Variants in CYP20A1 observed in about 807,000 individuals in gnomAD.
CYP20A1 encodes the protein cytochrome P450 20A1.
A neutral mutation model predicts 61.4 loss-of-function variants in CYP20A1; 61 were observed. That is an observed-to-expected ratio of 0.99 (90% CI 0.81 to 1.23). The LOEUF (loss-of-function observed/expected upper bound fraction) is 1.23, where lower values mean the gene tolerates loss of function less well. Ranked by LOEUF, CYP20A1 falls within the 50% of genes most tolerant of loss-of-function variation. The pLI is 0.00. For synonymous variants in CYP20A1, 193 were observed against 188.2 expected (o/e 1.03, Z -0.21); for missense variants, 530 against 542.4 (o/e 0.98, Z 0.23).
intron 11 of CYP20A1, among the ~76,000 whole-genome samples, chr2:203,294,826 G>A: frequency 6.6e-6 from 1 of 150,948 alleles, no homozygotes. Context: ...GTAGAGACGG[G>A]GTTTCACCAT....
intron 1 of CYP20A1, among the ~76,000 whole-genome samples, chr2:203,245,386 G>A (rs1306102420): frequency 1.3e-5 from 2 of 149,178 alleles, no homozygotes; most frequent in South Asian, 2.1e-4. Context: ...AGGGGTACAA[G>A]TGCAGATTTG....
In CYP20A1 at chr2:203,298,729, G is replaced by A. The variant is rs949463939; in HGVS notation, c.*1821G>A. ...AAAAAAAAAAAAGGAGGTGGGGAGA[G>A]CTATTTCAAGAATATTTTAAGTAGG... is the stretch of plus-strand genomic sequence containing the variant. On this transcript the variant is annotated 3_prime_UTR_variant, in exon 13 of 13. Coordinates refer to ENST00000356079, the MANE Select transcript of CYP20A1 (RefSeq NM_177538.3). Among the ~76,000 whole-genome samples the A allele has an allele frequency of 3.3e-5, 5 of 150,314 alleles. No homozygotes were observed. The highest frequency in any genetic ancestry group is 1.2e-4 in the African/African-American group (5 of 40,990).
chr2:203,286,643 C>T (rs2068283599), intron 9 of CYP20A1, among the ~76,000 whole-genome samples: 1 of 152,048 alleles, frequency 6.6e-6, no homozygotes, highest in South Asian at 2.1e-4. Flanking sequence ...AAAAGGCAAA[C>T]TGTGGTGATA....
At chr2:203,288,652 A>T (rs562193345) in intron 9 of CYP20A1, among the ~76,000 whole-genome samples, 3 of 152,188 alleles carry the variant, frequency 2.0e-5, no homozygotes, top group Non-Finnish European at 4.4e-5. Context: ...TCCCCTTTTG[A>T]TTTTGTTGTT....
chr2:203,280,796 CTTTTTTTCTTAACCCCA>C (rs2068012066), intron 8 of CYP20A1, among the ~76,000 whole-genome samples: 1 of 152,170 alleles, frequency 6.6e-6, no homozygotes, highest in Non-Finnish European at 1.5e-5. Flanking sequence ...CACATAAGTG[CTTTTTTTCTTAACCCCA>C]AGTGCTTAAA....
At chr2:203,249,927 G>A (rs2066599080) in intron 3 of CYP20A1, among the ~76,000 whole-genome samples, 1 of 152,128 alleles carries the variant, frequency 6.6e-6, no homozygotes, top group Non-Finnish European at 1.5e-5. Context: ...AAAGATTTCA[G>A]CCTCACTAAT....
intron 9 of CYP20A1, among the ~76,000 whole-genome samples, chr2:203,288,028 T>C (rs1241168718): frequency 3.3e-5 from 5 of 149,496 alleles, no homozygotes; most frequent in Non-Finnish European, 7.4e-5. Flanking sequence ...TGTTGTTGTT[T>C]GCAGGTTTCA....
intron 1 of CYP20A1, among the ~76,000 whole-genome samples, chr2:203,242,656 C>A (rs546103869): frequency 1.3e-5 from 2 of 151,962 alleles, no homozygotes; most frequent in Admixed American, 1.3e-4. Flanking sequence ...TGGTGGTGAG[C>A]GTCCGTGGTC....
At chr2:203,280,766 C>A (rs900301316) in intron 8 of CYP20A1, among the ~76,000 whole-genome samples, 9 of 152,158 alleles carry the variant, frequency 5.9e-5, no homozygotes, top group Non-Finnish European at 1.2e-4. Flanking sequence ...CTTTTTTAGT[C>A]TTGTTTTAAA....
Position 203,253,555 on chromosome 2 carries a change from T to G in CYP20A1, c.432+1446T>G, listed in dbSNP as rs183417051. 3.2e-4 allele frequency among the ~76,000 whole-genome samples: 48 copies of G among 152,302 alleles called. No homozygotes were observed. The East Asian group carries it at 7.3e-3, about 23-fold the overall frequency. The stretch of plus-strand genomic sequence containing the variant: ...GGATTCACATCCAAAAAACTAAACA[T>G]TGAACAAAGACAGAACGTGGTTTTT... On this transcript the variant is annotated intron_variant, in intron 4 of 12. Transcript: ENST00000356079.
chr2:203,245,031 C>CT (rs1191004801), intron 1 of CYP20A1, among the ~76,000 whole-genome samples: 5,216 of 115,170 alleles, frequency 0.045, 298 homozygotes, highest in African/African-American at 0.14. Flanking sequence ...CACGCCCAGC[C>CT]TTTTTTTTTT....
intron 4 of CYP20A1, among the ~76,000 whole-genome samples, chr2:203,258,902 A>G (rs1414612781): frequency 3.3e-5 from 5 of 152,212 alleles, no homozygotes; most frequent in African/African-American, 1.2e-4. Flanking sequence ...AACATTTGTC[A>G]GTAAGAAATA....
intron 10 of CYP20A1, 83 bp downstream of exon 10, chr2:203,289,959 AG>A (rs2068463371): frequency 1.8e-6 from 1 of 562,984 alleles, no homozygotes; most frequent in Admixed American, 4.0e-5. Context: ...TATATATTTT[AG>A]ACAGAGGTTT....
At chr2:203,239,196 T>C in intron 1 of CYP20A1, 62 bp downstream of exon 1, 2 of 1,437,108 alleles carry the variant, frequency 1.4e-6, no homozygotes, top group South Asian at 1.1e-5. Flanking sequence ...GTCGCCGGCA[T>C]CCAGGCCAAC....
At chr2:203,257,891 G>A (rs1350129729) in intron 4 of CYP20A1, among the ~76,000 whole-genome samples, 1 of 152,208 alleles carries the variant, frequency 6.6e-6, no homozygotes, top group Non-Finnish European at 1.5e-5. Flanking sequence ...TCACATTAGG[G>A]TAAATCAGGT....
chr2:203,292,774 T>TC (rs911976251), intron 11 of CYP20A1, among the ~76,000 whole-genome samples: 12 of 151,328 alleles, frequency 7.9e-5, no homozygotes, highest in Non-Finnish European at 1.5e-4. Flanking sequence ...CCCCATTATA[T>TC]CTTCTGTTGA....
intron 4 of CYP20A1, among the ~76,000 whole-genome samples, chr2:203,260,506 G>A (rs1304804599): frequency 2.0e-5 from 3 of 152,062 alleles, no homozygotes; most frequent in African/African-American, 7.2e-5. Flanking sequence ...ACAGGCGTGA[G>A]CCACCGCGTC....
At chr2:203,256,517 G>C (rs898379958) in intron 4 of CYP20A1, among the ~76,000 whole-genome samples, 1 of 151,860 alleles carries the variant, frequency 6.6e-6, no homozygotes, top group Admixed American at 6.6e-5. Context: ...ATGCCACAAC[G>C]CCCGGTAATT....
At chr2:203,277,165 G>A (rs535635452) in intron 6 of CYP20A1, among the ~76,000 whole-genome samples, 18 of 152,108 alleles carry the variant, frequency 1.2e-4, no homozygotes, top group Admixed American at 1.0e-3. Context: ...TGGCTAACAC[G>A]GTGAAACCCC....
Sources: allele counts gnomAD v4.1 joint callset (sites outside exome capture counted in the v4.1 genomes callset), GRCh38; gene constraint gnomAD v4.1.1; transcripts MANE v1.5; gene names NCBI Gene and HGNC (gene_info 2026-07-23, HGNC 2026-07-21).